MRE11: variants seen among roughly 807,000 people sequenced by gnomAD.
MRE11 encodes the protein double-strand break repair protein MRE11.
Under a neutral mutation model 91.7 loss-of-function variants are expected in MRE11, and 62 were observed. That is an observed-to-expected ratio of 0.68 (90% CI 0.55 to 0.84). The LOEUF (loss-of-function observed/expected upper bound fraction) is 0.84. Among genes scored for constraint, MRE11 ranks in the 40% least tolerant of loss-of-function variants. MRE11 has a pLI of 0.00. For synonymous variants in MRE11, 273 were observed against 271.4 expected (o/e 1.01, Z -0.06); for missense variants, 796 against 852.9 (o/e 0.93, Z 0.83).
intron 13 of MRE11, 143 bp from the exon 14 acceptor site, chr11:94,456,481 C>A: frequency 1.4e-6 from 1 of 701,252 alleles, no homozygotes; most frequent in Non-Finnish European, 2.4e-6. Flanking sequence ...CATATTTTTC[C>A]AATTATTAAC....
Position 94,471,639 on chromosome 11 carries a change from C to G in MRE11, c.780G>C (p.Leu260=), listed in dbSNP as rs1278688194. The G allele has an allele frequency of 6.2e-7, 1 of 1,612,676 alleles. No individual in the cohort carries two copies. Among genetic ancestry groups the G allele is most frequent in the East Asian group, 2.2e-5 (1 of 44,818 alleles). ...KIAPTKNEQQ[L]FYISQPGSSV... ...AGCTTCCAGGTTGTGAGATATAAAA[C>G]AGCTGTTGTTCATTTTTGGTTGGAG... The change falls in exon 8 of 20, where the codon CTG becomes CTC. Residue 260 remains leucine (L), a synonymous_variant. Coordinates refer to ENST00000323929, the MANE Select transcript of MRE11 (RefSeq NM_005591.4).
At chr11:94,438,337 ATCTT>A (rs1426569885) in intron 16 of MRE11, among the ~76,000 whole-genome samples, 2 of 152,228 alleles carry the variant, frequency 1.3e-5, no homozygotes, top group African/African-American at 2.4e-5. Flanking sequence ...AAACTAACGA[ATCTT>A]TCTATCTAAC....
the MRE11 span, among the ~76,000 whole-genome samples, chr11:94,506,586 T>C: frequency 1.6e-3 from 229 of 141,602 alleles, no homozygotes; most frequent in African/African-American, 5.6e-3. Context: ...CAGTAATTGC[T>C]TTTTTTGTTT....
chr11:94,467,953 T>C, intron 9 of MRE11, 60 bp from the exon 10 acceptor site: 3 of 1,303,834 alleles, frequency 2.3e-6, no homozygotes, highest in South Asian at 1.2e-5. Context: ...CTTGGCTGAA[T>C]AGCAGCTTAT....
chr11:94,499,948 G>A, the MRE11 span, among the ~76,000 whole-genome samples: 3 of 152,288 alleles, frequency 2.0e-5, no homozygotes, highest in South Asian at 6.2e-4. Context: ...AGAAAAGTCA[G>A]AGATAATATA....
At chr11:94,459,282 T>C (rs1946350242) in intron 13 of MRE11, 126 bp downstream of exon 13, 1 of 997,690 alleles carries the variant, frequency 1.0e-6, no homozygotes, top group East Asian at 2.5e-5. Context: ...ATCATTTCAA[T>C]TTTATAGATG....
intron 10 of MRE11, among the ~76,000 whole-genome samples, chr11:94,467,177 A>C (rs1946585236): frequency 1.3e-5 from 2 of 152,194 alleles, no homozygotes; most frequent in South Asian, 4.1e-4. Context: ...AGTAAGCAAC[A>C]TGGGGTAGGA....
intron 9 of MRE11, among the ~76,000 whole-genome samples, chr11:94,469,494 T>C (rs1300541883): frequency 6.6e-6 from 1 of 152,186 alleles, no homozygotes; most frequent in African/African-American, 2.4e-5. Flanking sequence ...AAGCAATTAA[T>C]GCATTTTCTA....
At chr11:94,495,194 G>A (rs1237019381), upstream of MRE11, among the ~76,000 whole-genome samples, 1 of 152,148 alleles carries the variant, frequency 6.6e-6, no homozygotes, top group Admixed American at 6.5e-5. Context: ...CATTAAGATT[G>A]TATACTGTTA....
intron 4 of MRE11, among the ~76,000 whole-genome samples, chr11:94,482,812 C>G (rs2135107870): frequency 6.6e-6 from 1 of 151,914 alleles, no homozygotes; most frequent in East Asian, 1.9e-4. Context: ...GTGGTGCACA[C>G]TTGTAGTCCC....
At chr11:94,486,964 C>T (rs1396247505) in intron 3 of MRE11, among the ~76,000 whole-genome samples, 3 of 152,086 alleles carry the variant, frequency 2.0e-5, no homozygotes, top group East Asian at 1.9e-4. Context: ...GATCACTGTG[C>T]GTATGGTAGT....
Position 94,447,211 on chromosome 11 carries a change from G to C in MRE11, c.1783+8C>G, listed in dbSNP as rs372784831. Reference sequence around the variant, plus strand: ...GTGAATGTGCACAGGACTGAACTCAGTGCTCACCTCTTCCTCTTTGAGACC... The same window carrying C: ...GTGAATGTGCACAGGACTGAACTCACTGCTCACCTCTTCCTCTTTGAGACC... On this transcript the variant is annotated splice_region_variant and intron_variant, in intron 15 of 19. Transcript: ENST00000323929. 7 of 1,610,988 alleles carry C rather than the reference G, an allele frequency of 4.3e-6. No homozygotes were observed. The highest frequency in any genetic ancestry group is 5.9e-6 in the Non-Finnish European group (7 of 1,179,838).
intron 14 of MRE11, among the ~76,000 whole-genome samples, chr11:94,454,921 A>G (rs2134962456): frequency 6.6e-6 from 1 of 152,296 alleles, no homozygotes; most frequent in East Asian, 1.9e-4. Flanking sequence ...AACTATTTCT[A>G]TTTTAAATGC....
intron 12 of MRE11, 48 bp from the exon 13 acceptor site, chr11:94,459,629 A>G: frequency 1.3e-6 from 2 of 1,578,820 alleles, no homozygotes; most frequent in South Asian, 2.2e-5. Context: ...TATTCCTTAC[A>G]AAATAATTAT....
chr11:94,511,823 T>G, the MRE11 span, among the ~76,000 whole-genome samples: 1 of 152,206 alleles, frequency 6.6e-6, no homozygotes. Context: ...AACCTTATGC[T>G]CCAAATAAAA....
chr11:94,441,282 T>C (rs990383766), intron 16 of MRE11, among the ~76,000 whole-genome samples: 1 of 152,216 alleles, frequency 6.6e-6, no homozygotes, highest in Non-Finnish European at 1.5e-5. Context: ...AAGCAGCAAG[T>C]GACTGAACCT....
intron 16 of MRE11, among the ~76,000 whole-genome samples, chr11:94,442,106 A>G (rs1267429225): frequency 6.6e-6 from 1 of 152,084 alleles, no homozygotes; most frequent in Non-Finnish European, 1.5e-5. Context: ...TTAACTGAAG[A>G]CTCAGAAGGA....
chr11:94,426,727 C>G (rs1035007374), intron 19 of MRE11, among the ~76,000 whole-genome samples: 1 of 152,028 alleles, frequency 6.6e-6, no homozygotes. Context: ...GATGACATTA[C>G]AATTGACCCC....
rs563667938 is a variant in MRE11, at chr11:94,417,125, C to G, written c.*3000G>C. 2 of 158,454 alleles carry G rather than the reference C, an allele frequency of 1.3e-5. No homozygotes were observed. The highest frequency in any genetic ancestry group is 2.8e-5 in the Non-Finnish European group (2 of 71,840). 9.8% of individuals were successfully genotyped at this position (158,454 alleles called of 1,614,324 possible). ...CTGAGTAGCTAAGATTACAGGCACA[C>G]ACCACCATGCCCAGCTAATCTTTTG... On this transcript the variant is annotated 3_prime_UTR_variant, in exon 20 of 20. Transcript: ENST00000323929.
Sources: gnomAD v4.1 joint callset for allele counts (sites outside exome capture counted in the v4.1 genomes callset) on GRCh38, gnomAD v4.1.1 for gene constraint, MANE v1.5 for transcripts, NCBI Gene and HGNC (gene_info 2026-07-23, HGNC 2026-07-21) for gene names.